Variants in RBFOX2 observed in about 807,000 individuals in gnomAD.
RBFOX2 encodes the protein RNA binding protein fox-1 homolog 2.
Under a neutral mutation model 49.1 loss-of-function variants are expected in RBFOX2, and 10 were observed. The ratio of observed to expected loss-of-function variants is 0.20; its 90% CI spans 0.13 to 0.35. The LOEUF (loss-of-function observed/expected upper bound fraction) is 0.35, where lower values mean the gene tolerates loss of function less well. RBFOX2 is among the 10% of genes least tolerant of loss of function. RBFOX2 has a pLI of 1.00. For missense variants in RBFOX2, 323 were observed against 486.9 expected, an observed-to-expected ratio of 0.66 and a Z score of 3.17; for synonymous variants, 183 against 187.4, an observed-to-expected ratio of 0.98 and a Z score of 0.19.
intron 1 of RBFOX2, among the ~76,000 whole-genome samples, chr22:35,814,114 A>G (rs577972374): frequency 2.4e-4 from 36 of 152,314 alleles, no homozygotes; most frequent in Non-Finnish European, 5.1e-4. Flanking sequence ...GAGGCGATAC[A>G]TATTATATAC....
intron 2 of RBFOX2, among the ~76,000 whole-genome samples, chr22:35,796,618 T>C (rs2147738832): frequency 1.3e-5 from 2 of 152,338 alleles, no homozygotes; most frequent in East Asian, 3.9e-4. Context: ...TGAAACCTTA[T>C]CAGTGAACTT....
At position 35,958,229 on chromosome 22, in the gene RBFOX2, T is replaced by TTA. The variant is rs149524146; in HGVS notation, c.42+3332_42+3333dup. ...CATGATGTTAAACCAGCTCTGGTGT[T>TTA]TATTAGAGGAACAACTTAGGACAAG... On this transcript the variant is annotated intron_variant, in intron 1 of 5. Transcript: ENST00000408983. 1.2e-3 allele frequency among the ~76,000 whole-genome samples: 189 copies of TTA among 152,320 alleles called. 3 individuals are homozygous for TTA. The South Asian group carries it at 0.015, about 12-fold the overall frequency.
intron 1 of RBFOX2, among the ~76,000 whole-genome samples, chr22:36,010,193 T>C (rs1249243086): frequency 6.6e-6 from 1 of 152,064 alleles, no homozygotes; most frequent in East Asian, 1.9e-4. Flanking sequence ...ATGGCTCTTA[T>C]CAGGGACATG....
chr22:35,997,042 T>C (rs935154547), intron 1 of RBFOX2: 1 of 152,214 alleles, frequency 6.6e-6, no homozygotes, highest in African/African-American at 2.4e-5. Flanking sequence ...AAGGGAAGAA[T>C]AGGGATTTAC....
chr22:35,895,486 ATT>A (rs1035787505), intron 1 of RBFOX2, among the ~76,000 whole-genome samples: 3 of 152,194 alleles, frequency 2.0e-5, no homozygotes, highest in African/African-American at 7.2e-5. Flanking sequence ...TGACACCACT[ATT>A]CTTTACGTCA....
chr22:35,946,718 T>C (rs1166320092), intron 1 of RBFOX2, among the ~76,000 whole-genome samples: 2 of 152,240 alleles, frequency 1.3e-5, no homozygotes, highest in African/African-American at 2.4e-5. Flanking sequence ...TCTGCCTCAC[T>C]GTAAGGTGTT....
chr22:35,992,972 G>C (rs975072736), intron 1 of RBFOX2: 13 of 152,092 alleles, frequency 8.5e-5, no homozygotes, highest in African/African-American at 2.9e-4. Context: ...GATACAGAAT[G>C]GTTATTAAGT....
At chr22:35,946,672 A>G (rs2054309330) in intron 1 of RBFOX2, among the ~76,000 whole-genome samples, 1 of 152,246 alleles carries the variant, frequency 6.6e-6, no homozygotes, top group Non-Finnish European at 1.5e-5. Flanking sequence ...AGCTTCCTCT[A>G]CATCAGCTAT....
intron 1 of RBFOX2, among the ~76,000 whole-genome samples, chr22:35,884,711 AG>A (rs747913662): frequency 6.6e-6 from 1 of 152,242 alleles, no homozygotes; most frequent in Non-Finnish European, 1.5e-5. Flanking sequence ...GTGAGTCACT[AG>A]GTCCAGCCTA....
chr22:35,999,402 A>G (rs999861592), intron 1 of RBFOX2: 1 of 150,962 alleles, frequency 6.6e-6, no homozygotes, highest in Non-Finnish European at 1.5e-5. Flanking sequence ...AAAAAAAAAA[A>G]TTTAGAACTA....
chr22:35,825,737 C>CT (rs1418101753), intron 1 of RBFOX2, among the ~76,000 whole-genome samples: 2 of 150,532 alleles, frequency 1.3e-5, no homozygotes, highest in Non-Finnish European at 3.0e-5. Context: ...TCCCAGCACT[C>CT]TGGGAGGCCA....
chr22:35,792,274 C>A (rs57137186), intron 2 of RBFOX2, among the ~76,000 whole-genome samples: 1 of 144,484 alleles, frequency 6.9e-6, no homozygotes, highest in African/African-American at 2.6e-5. Context: ...CGAGATTATG[C>A]CACTGCAGTC....
At chr22:35,853,532 C>T (rs2042176181) in intron 1 of RBFOX2, among the ~76,000 whole-genome samples, 1 of 152,020 alleles carries the variant, frequency 6.6e-6, no homozygotes, top group South Asian at 2.1e-4. Context: ...ATAAGTTAGA[C>T]ATGTATGTAT....
chr22:35,754,370 C>A (rs1383999772), intron 9 of RBFOX2, among the ~76,000 whole-genome samples: 1 of 151,804 alleles, frequency 6.6e-6, no homozygotes, highest in African/African-American at 2.4e-5. Context: ...GGATTACAGG[C>A]CTGAGCCACT....
At chr22:35,846,121 A>G (rs2041154538) in intron 1 of RBFOX2, among the ~76,000 whole-genome samples, 1 of 150,380 alleles carries the variant, frequency 6.6e-6, no homozygotes, top group Non-Finnish European at 1.5e-5. Flanking sequence ...CATAAACTAT[A>G]TAAGTATAAA....
intron 1 of RBFOX2, among the ~76,000 whole-genome samples, chr22:35,990,878 G>A (rs1371342600): frequency 6.6e-6 from 1 of 152,102 alleles, no homozygotes; most frequent in Non-Finnish European, 1.5e-5. Flanking sequence ...TTCACCCAAG[G>A]GTATAGGATT....
At chr22:35,933,035 T>C (rs5756002) in intron 1 of RBFOX2, among the ~76,000 whole-genome samples, 11,753 of 152,280 alleles carry the variant, frequency 0.077, 474 homozygotes, top group South Asian at 0.086. Context: ...TCTCCAAAGA[T>C]TCCAGAATAT....
intron 1 of RBFOX2, among the ~76,000 whole-genome samples, chr22:36,021,588 C>T (rs1375454330): frequency 6.6e-6 from 1 of 152,046 alleles, no homozygotes; most frequent in Non-Finnish European, 1.5e-5. Context: ...AGCAATCTGG[C>T]TATCCTCCAG....
intron 1 of RBFOX2, among the ~76,000 whole-genome samples, chr22:35,891,287 C>T (rs2047211208): frequency 6.6e-6 from 1 of 152,100 alleles, no homozygotes; most frequent in Non-Finnish European, 1.5e-5. Context: ...GTGCGTGCCA[C>T]CATGCCCAGC....
Sources: gnomAD v4.1 joint callset for allele counts (sites outside exome capture counted in the v4.1 genomes callset) on GRCh38, gnomAD v4.1.1 for gene constraint, MANE v1.5 for transcripts, NCBI Gene and HGNC (gene_info 2026-07-23, HGNC 2026-07-21) for gene names.